ZBTB20: variants seen among roughly 807,000 people sequenced by gnomAD.
ZBTB20 encodes the protein zinc finger and BTB domain containing 20.
In ZBTB20, 9 loss-of-function variants were observed where a neutral mutation model predicts 56.9. The observed-to-expected ratio is 0.16, with a 90% CI of 0.10 to 0.28. The LOEUF (loss-of-function observed/expected upper bound fraction) is 0.28. Among genes scored for constraint, ZBTB20 ranks in the 10% least tolerant of loss-of-function variants. The pLI is 1.00. For synonymous variants in ZBTB20, 417 were observed against 420.7 expected, an observed-to-expected ratio of 0.99 and a Z score of 0.11; for missense variants, 655 against 1,003.0, an observed-to-expected ratio of 0.65 and a Z score of 4.69.
intron 2 of ZBTB20, among the ~76,000 whole-genome samples, chr3:114,978,288 A>T (rs1419706692): frequency 6.7e-6 from 1 of 148,446 alleles, no homozygotes; most frequent in Non-Finnish European, 1.5e-5. Context: ...ATAAAATAGT[A>T]ATACTTATTA....
intron 3 of ZBTB20, among the ~76,000 whole-genome samples, chr3:114,966,102 C>T (rs1419781109): frequency 1.3e-5 from 2 of 152,128 alleles, no homozygotes; most frequent in Non-Finnish European, 2.9e-5. Flanking sequence ...AGCTTAGATC[C>T]TGTTTTTATA....
chr3:115,110,221 AAAAG>A (rs1168530249), intron 1 of ZBTB20, among the ~76,000 whole-genome samples: 1 of 152,160 alleles, frequency 6.6e-6, no homozygotes, highest in Non-Finnish European at 1.5e-5. Context: ...AAAAAAAAAA[AAAAG>A]AGTTGGAAAT....
intron 1 of ZBTB20, among the ~76,000 whole-genome samples, chr3:115,119,597 A>T (rs558864501): frequency 6.6e-6 from 1 of 152,208 alleles, no homozygotes; most frequent in Non-Finnish European, 1.5e-5. Context: ...CCTACAGTAC[A>T]AACACTTAGT....
chr3:114,707,059 G>T (rs1429603041), intron 5 of ZBTB20, among the ~76,000 whole-genome samples: 1 of 152,054 alleles, frequency 6.6e-6, no homozygotes, highest in East Asian at 1.9e-4. Context: ...AGCCCAGGGT[G>T]CAGCATAAAT....
At chr3:114,782,364 C>G (rs1013133344) in intron 5 of ZBTB20, among the ~76,000 whole-genome samples, 1 of 152,046 alleles carries the variant, frequency 6.6e-6, no homozygotes, top group Non-Finnish European at 1.5e-5. Flanking sequence ...GATTTTAAAG[C>G]GAGAGCTAAG....
intron 5 of ZBTB20, among the ~76,000 whole-genome samples, chr3:114,695,797 G>T (rs978380950): frequency 4.6e-5 from 7 of 151,726 alleles, no homozygotes; most frequent in African/African-American, 1.7e-4. Context: ...TGACAATCAG[G>T]CACCTACATG....
intron 2 of ZBTB20, among the ~76,000 whole-genome samples, chr3:114,994,499 A>G (rs1576515080): frequency 6.6e-6 from 1 of 152,004 alleles, no homozygotes; most frequent in South Asian, 2.1e-4. Context: ...GCTTAAAAGT[A>G]TGTAACAGAT....
intron 2 of ZBTB20, among the ~76,000 whole-genome samples, chr3:114,991,794 T>C (rs1375510358): frequency 6.6e-6 from 1 of 152,124 alleles, no homozygotes; most frequent in Admixed American, 6.6e-5. Context: ...GCTCCTGTAT[T>C]GGGTGCATAT....
chr3:114,936,040 C>T (rs567565333), intron 3 of ZBTB20, among the ~76,000 whole-genome samples: 2 of 152,028 alleles, frequency 1.3e-5, no homozygotes, highest in South Asian at 4.2e-4. Context: ...GACACAGAGA[C>T]TGGCACCTGC....
chr3:115,127,631 GA>G (rs1298401807), intron 1 of ZBTB20, among the ~76,000 whole-genome samples: 1 of 151,862 alleles, frequency 6.6e-6, no homozygotes, highest in Non-Finnish European at 1.5e-5. Context: ...TTTTAAAAAG[GA>G]AAAGAAAAAA....
At chr3:114,887,242 A>G (rs780423327) in intron 4 of ZBTB20, among the ~76,000 whole-genome samples, 1 of 152,170 alleles carries the variant, frequency 6.6e-6, no homozygotes, top group African/African-American at 2.4e-5. Flanking sequence ...AACTTTCAAC[A>G]TGAGTTTTGG....
chr3:114,738,281 A>G (rs2066325887), intron 5 of ZBTB20, among the ~76,000 whole-genome samples: 1 of 152,042 alleles, frequency 6.6e-6, no homozygotes, highest in Non-Finnish European at 1.5e-5. Flanking sequence ...TTTTGATAAA[A>G]TCTTTTTAAG....
intron 2 of ZBTB20, among the ~76,000 whole-genome samples, chr3:114,997,029 T>G (rs2079056422): frequency 6.6e-6 from 1 of 151,560 alleles, no homozygotes; most frequent in African/African-American, 2.4e-5. Flanking sequence ...TTTTACCCTG[T>G]TGGTGGGAGT....
chr3:114,987,792 C>T (rs1041188379), intron 2 of ZBTB20, among the ~76,000 whole-genome samples: 12 of 152,082 alleles, frequency 7.9e-5, no homozygotes, highest in Non-Finnish European at 1.2e-4. Flanking sequence ...TAAGTGCAAA[C>T]CCTTCAACAT....
At chr3:114,852,250 T>C (rs2075037370) in intron 4 of ZBTB20, among the ~76,000 whole-genome samples, 1 of 147,528 alleles carries the variant, frequency 6.8e-6, no homozygotes, top group Non-Finnish European at 1.5e-5. Flanking sequence ...ACTTTCATTT[T>C]ATTTTATTTT....
chr3:114,843,684 TA>T (rs1414534350), intron 4 of ZBTB20, among the ~76,000 whole-genome samples: 3 of 151,832 alleles, frequency 2.0e-5, no homozygotes, highest in Non-Finnish European at 4.4e-5. Context: ...TATATATATA[TA>T]TTTTTTTTTG....
intron 6 of ZBTB20, among the ~76,000 whole-genome samples, chr3:114,679,304 A>G (rs2061822636): frequency 6.6e-6 from 1 of 152,220 alleles, no homozygotes; most frequent in Non-Finnish European, 1.5e-5. Flanking sequence ...TAAACTAAAG[A>G]GCTCCTGCAC....
intron 1 of ZBTB20, among the ~76,000 whole-genome samples, chr3:115,090,653 CT>C (rs2083155973): frequency 6.6e-6 from 1 of 151,698 alleles, no homozygotes. Flanking sequence ...TTATCCATTC[CT>C]TCTTTAATTA....
chr3:114,677,669 A>T (rs1175415008), intron 6 of ZBTB20, among the ~76,000 whole-genome samples: 1 of 152,174 alleles, frequency 6.6e-6, no homozygotes, highest in Non-Finnish European at 1.5e-5. Flanking sequence ...TCTGTTAACT[A>T]TTGAAAAGAG....
Sources: allele counts gnomAD v4.1 joint callset (sites outside exome capture counted in the v4.1 genomes callset), GRCh38; gene constraint gnomAD v4.1.1; transcripts MANE v1.5; gene names NCBI Gene and HGNC (gene_info 2026-07-23, HGNC 2026-07-21).